HECW2: variants seen among roughly 807,000 people sequenced by gnomAD.
HECW2 encodes E3 ubiquitin-protein ligase HECW2.
In HECW2, 61 loss-of-function variants were observed where a neutral mutation model predicts 175.2. The observed-to-expected ratio is 0.35, with a 90% CI of 0.28 to 0.43. The LOEUF is 0.43. Among genes scored for constraint, HECW2 ranks in the 20% least tolerant of loss-of-function variants. The pLI is 1.00. For synonymous variants in HECW2, 671 were observed against 731.0 expected (o/e 0.92, Z 1.32); for missense variants, 1,524 against 2,000.5 (o/e 0.76, Z 4.54).
chr2:196,297,985 TC>T (rs1690883744), intron 13 of HECW2, among the ~76,000 whole-genome samples: 1 of 152,214 alleles, frequency 6.6e-6, no homozygotes, highest in Non-Finnish European at 1.5e-5. Flanking sequence ...GATCAATTCA[TC>T]TATTTTGCAA....
At chr2:196,448,571 C>A (rs923313765) in intron 1 of HECW2, among the ~76,000 whole-genome samples, 4 of 152,204 alleles carry the variant, frequency 2.6e-5, no homozygotes, top group African/African-American at 9.7e-5. Context: ...TAAACAGGAG[C>A]CAAGCAGCCT....
chr2:196,471,109 T>C (rs1170037962), intron 1 of HECW2, among the ~76,000 whole-genome samples: 1 of 151,534 alleles, frequency 6.6e-6, no homozygotes, highest in East Asian at 1.9e-4. Context: ...ATGAATGCAA[T>C]AAAGTACACA....
At chr2:196,291,048 G>T (rs889366337) in intron 14 of HECW2, 4 of 152,108 alleles carry the variant, frequency 2.6e-5, no homozygotes, top group African/African-American at 9.7e-5. Flanking sequence ...CATGCATTTT[G>T]TAACAACCAT....
intron 2 of HECW2, among the ~76,000 whole-genome samples, chr2:196,380,769 G>A (rs1694187006): frequency 6.6e-6 from 1 of 152,156 alleles, no homozygotes; most frequent in African/African-American, 2.4e-5. Flanking sequence ...TGGTTGCAGA[G>A]CTTCTGGTTT....
In HECW2 at chr2:196,320,379, G is replaced by A. The variant is rs1235510654; in HGVS notation, c.945C>T (p.Tyr315=). 3.1e-6 allele frequency: 5 copies of A among 1,612,476 alleles called. No homozygotes were observed. The highest frequency in any genetic ancestry group is 4.2e-6 in the Non-Finnish European group (5 of 1,178,808). The stretch of plus-strand genomic sequence containing the variant: ...ACGTAACCTCCACTTTAAACTGGAG[G>A]TACCCACTCACGTGGTCAGCTGGGA... The part of the protein sequence containing the change: ...RRLPADHVSG[Y]LQFKVEVTSS... The change falls in exon 8 of 29, where the codon TAC becomes TAT. Residue 315 remains tyrosine (Y), a synonymous_variant. Coordinates refer to ENST00000644978, the MANE Select transcript of HECW2 (RefSeq NM_001348768.2).
At chr2:196,476,947 CAAAAAAAAAAAAAAAAA>C (rs35714216) in intron 1 of HECW2, among the ~76,000 whole-genome samples, 3 of 57,404 alleles carry the variant, frequency 5.2e-5, no homozygotes, top group Admixed American at 3.1e-4. Flanking sequence ...CCCATCTCCA[CAAAAAAAAAAAAAAAAA>C]AAAAAAAAAA....
intron 1 of HECW2, among the ~76,000 whole-genome samples, chr2:196,472,360 C>T (rs922898040): frequency 1.2e-4 from 18 of 150,716 alleles, no homozygotes; most frequent in East Asian, 2.0e-4. Flanking sequence ...GGGCGGGGGG[C>T]GCCTGTAATC....
intron 1 of HECW2, among the ~76,000 whole-genome samples, chr2:196,513,966 T>A (rs900729451): frequency 5.3e-4 from 81 of 152,184 alleles, no homozygotes; most frequent in African/African-American, 1.9e-3. Flanking sequence ...GAGGCGCTGC[T>A]GGGGCTGCCC....
chr2:196,452,297 G>A (rs1417280368), intron 1 of HECW2, among the ~76,000 whole-genome samples: 3 of 152,186 alleles, frequency 2.0e-5, no homozygotes, highest in Non-Finnish European at 2.9e-5. Flanking sequence ...AAATGGTAGT[G>A]TTTTAGATAT....
At chr2:196,519,922 C>A (rs1688292514) in intron 1 of HECW2, among the ~76,000 whole-genome samples, 1 of 152,154 alleles carries the variant, frequency 6.6e-6, no homozygotes, top group African/African-American at 2.4e-5. Flanking sequence ...TCCCTCCAAT[C>A]CACACTAGTG....
intron 22 of HECW2, among the ~76,000 whole-genome samples, chr2:196,227,371 A>G (rs559208232): frequency 6.6e-6 from 1 of 152,366 alleles, no homozygotes; most frequent in East Asian, 1.9e-4. Context: ...AAAAAGATGT[A>G]AGGACATTTG....
intron 1 of HECW2, among the ~76,000 whole-genome samples, chr2:196,461,178 G>T (rs562709480): frequency 1.3e-5 from 2 of 151,086 alleles, no homozygotes; most frequent in African/African-American, 4.9e-5. Context: ...GGGAGGGAGG[G>T]AGAAAGAAAG....
chr2:196,341,389 G>A (rs1692746487), intron 3 of HECW2, among the ~76,000 whole-genome samples: 1 of 151,384 alleles, frequency 6.6e-6, no homozygotes, highest in South Asian at 2.1e-4. Context: ...CCTTTCAAAG[G>A]AGGAATCACA....
rs138461140 is a variant in HECW2 at position 196,207,838 on chromosome 2, T to C, written c.4608-6450A>G. Among the ~76,000 whole-genome samples, 977 of 152,360 alleles carry C rather than the reference T, an allele frequency of 6.4e-3. 16 individuals carry two copies. Among genetic ancestry groups the C allele is most frequent in the African/African-American group, 0.022 (919 of 41,592 alleles). ...TTTGGTTAAGGTGCACTTGGATCTGTAAATACAAAGTGGAATATTCCCATA... is the reference window on the plus strand; with the variant it reads ...TTTGGTTAAGGTGCACTTGGATCTGCAAATACAAAGTGGAATATTCCCATA... On this transcript the variant is annotated intron_variant, in intron 28 of 28. Transcript: ENST00000644978.
intron 2 of HECW2, among the ~76,000 whole-genome samples, chr2:196,402,514 C>G (rs1694849396): frequency 6.6e-6 from 1 of 152,142 alleles, no homozygotes; most frequent in Non-Finnish European, 1.5e-5. Flanking sequence ...GATTCAGTCC[C>G]CCTGACAGAT....
chr2:196,507,165 T>C (rs1404596406), intron 1 of HECW2, among the ~76,000 whole-genome samples: 2 of 141,024 alleles, frequency 1.4e-5, no homozygotes, highest in Non-Finnish European at 3.2e-5. Context: ...ATACACACAC[T>C]ATGTGTATAT....
intron 2 of HECW2, among the ~76,000 whole-genome samples, chr2:196,416,315 T>G (rs939877400): frequency 1.3e-4 from 20 of 152,284 alleles, no homozygotes; most frequent in African/African-American, 3.6e-4. Flanking sequence ...CCAAGGACAG[T>G]GTGCTGCACT....
intron 21 of HECW2, among the ~76,000 whole-genome samples, chr2:196,235,724 C>T (rs1253384585): frequency 1.5e-5 from 2 of 133,208 alleles, no homozygotes; most frequent in Non-Finnish European, 3.1e-5. Flanking sequence ...GGCGTGATCT[C>T]GGCTCACTGC....
intron 1 of HECW2, among the ~76,000 whole-genome samples, chr2:196,452,979 T>C (rs1429376082): frequency 6.6e-6 from 1 of 152,086 alleles, no homozygotes; most frequent in Non-Finnish European, 1.5e-5. Context: ...CATGATGAAA[T>C]TGTGGCCTCT....
Sources: allele counts gnomAD v4.1 joint callset (sites outside exome capture counted in the v4.1 genomes callset), GRCh38; gene constraint gnomAD v4.1.1; transcripts MANE v1.5; gene names NCBI Gene and HGNC (gene_info 2026-07-23, HGNC 2026-07-21).